PHF14: variants seen among roughly 807,000 people sequenced by gnomAD.
PHF14 encodes the protein PHD finger protein 14.
PHF14 carries 55 observed loss-of-function variants against 117.9 expected under a neutral mutation model. The observed-to-expected ratio is 0.47, with a 90% confidence interval of 0.38 to 0.58. The LOEUF is 0.58. Ranked by LOEUF, PHF14 falls within the 20% of genes least tolerant of loss-of-function variation. The pLI, the probability that PHF14 is intolerant of heterozygous loss-of-function variation, is 0.00. For synonymous variants in PHF14, 409 were observed against 368.6 expected (o/e 1.11, Z -1.26); for missense variants, 978 against 1,122.2 (o/e 0.87, Z 1.84).
At chr7:11,054,064 TA>T (rs1289878946) in intron 14 of PHF14, among the ~76,000 whole-genome samples, 1 of 152,100 alleles carries the variant, frequency 6.6e-6, no homozygotes, top group African/African-American at 2.4e-5. Flanking sequence ...GGATTACTTT[TA>T]TCTATTCTTT....
At chr7:11,032,397 G>C (rs987692077) in intron 7 of PHF14, among the ~76,000 whole-genome samples, 2 of 151,990 alleles carry the variant, frequency 1.3e-5, no homozygotes, top group African/African-American at 4.8e-5. Context: ...GTTTTTACAA[G>C]TGCCAGGTAA....
intron 16 of PHF14, among the ~76,000 whole-genome samples, chr7:11,087,725 A>G (rs1181273939): frequency 1.3e-5 from 2 of 152,124 alleles, no homozygotes; most frequent in Non-Finnish European, 2.9e-5. Context: ...CATTTGGCCC[A>G]TGCTTCATCT....
intron 6 of PHF14, among the ~76,000 whole-genome samples, chr7:11,023,731 G>A (rs919686345): frequency 2.6e-5 from 4 of 152,204 alleles, no homozygotes; most frequent in African/African-American, 7.2e-5. Context: ...AGGAGGCTGA[G>A]GCAGGAGAAT....
At chr7:11,074,492 G>A (rs1045956907) in intron 16 of PHF14, among the ~76,000 whole-genome samples, 1 of 152,296 alleles carries the variant, frequency 6.6e-6, no homozygotes, top group Non-Finnish European at 1.5e-5. Context: ...TTACAGGCAT[G>A]AGCCACCGTG....
chr7:10,981,508 C>G (rs919048672), intron 2 of PHF14, among the ~76,000 whole-genome samples: 7 of 152,178 alleles, frequency 4.6e-5, no homozygotes, highest in Non-Finnish European at 8.8e-5. Context: ...CTGCCCTAGG[C>G]AGGAGTGGAA....
chr7:10,991,675 G>C (rs1180383909), intron 4 of PHF14, among the ~76,000 whole-genome samples: 2 of 150,520 alleles, frequency 1.3e-5, no homozygotes, highest in African/African-American at 4.9e-5. Context: ...ATGAAAATCA[G>C]TGTTTCTTTA....
chr7:11,022,073 CAG>C (rs1457859059), intron 5 of PHF14, among the ~76,000 whole-genome samples: 1 of 151,922 alleles, frequency 6.6e-6, no homozygotes, highest in Non-Finnish European at 1.5e-5. Context: ...TGTAAGCAAG[CAG>C]AAAGAGTGCC....
intron 4 of PHF14, among the ~76,000 whole-genome samples, chr7:10,996,249 A>G (rs1230844622): frequency 6.6e-6 from 1 of 152,264 alleles, no homozygotes; most frequent in African/African-American, 2.4e-5. Flanking sequence ...CATTGCAATT[A>G]TCTAAGAGAG....
intron 13 of PHF14, among the ~76,000 whole-genome samples, chr7:11,047,785 C>T (rs1387072265): frequency 1.7e-5 from 2 of 116,532 alleles, no homozygotes; most frequent in Admixed American, 2.4e-4. Context: ...GACTCTGTCT[C>T]ACAAAAAGAC....
intron 17 of PHF14, among the ~76,000 whole-genome samples, chr7:11,120,767 A>G (rs1338833590): frequency 1.3e-5 from 2 of 152,050 alleles, no homozygotes; most frequent in Admixed American, 1.3e-4. Flanking sequence ...TATTTATTTT[A>G]TAAGTAGAGA....
At chr7:11,000,713 T>A (rs1189464688) in intron 4 of PHF14, among the ~76,000 whole-genome samples, 1 of 152,184 alleles carries the variant, frequency 6.6e-6, no homozygotes, top group Non-Finnish European at 1.5e-5. Context: ...AATTGGTTTG[T>A]TTTCTTATTG....
chr7:11,120,043 A>G (rs1436724885), intron 17 of PHF14, among the ~76,000 whole-genome samples: 2 of 118,918 alleles, frequency 1.7e-5, no homozygotes, highest in African/African-American at 6.6e-5. Flanking sequence ...TTAAGTGATA[A>G]TAGTTATTTT....
In PHF14 at chr7:11,111,428, C is replaced by T. The variant is rs535959141; in HGVS notation, c.2733C>T (p.Tyr911=). Residue 911 remains tyrosine (Y), a synonymous_variant, in exon 17 of 18, where the codon TAC becomes TAT. Transcript: ENST00000634607. ...PLKKSPKQTG[Y]GWICQECDSS... ...AAAAGTCTCCTAAACAGACAGGCTA[C>T]GGATGGATATGTCAGGAATGTGATT... 2.0e-5 allele frequency: 32 copies of T among 1,603,650 alleles called. No individual in the cohort carries two copies. Among genetic ancestry groups the T allele is most frequent in the East Asian group, 4.5e-5 (2 of 44,662 alleles).
chr7:11,122,790 C>T (rs911806478), intron 17 of PHF14, among the ~76,000 whole-genome samples: 26 of 152,146 alleles, frequency 1.7e-4, no homozygotes, highest in Non-Finnish European at 2.4e-4. Flanking sequence ...CAGCTTAGTC[C>T]AGTCCTGCTG....
intron 16 of PHF14, among the ~76,000 whole-genome samples, chr7:11,098,565 C>G (rs1474919782): frequency 1.3e-5 from 2 of 152,120 alleles, no homozygotes; most frequent in African/African-American, 4.8e-5. Flanking sequence ...ATAAAATGGC[C>G]AGAACTTGAA....
At chr7:10,987,658 C>G (rs1184809252) in intron 3 of PHF14, among the ~76,000 whole-genome samples, 1 of 151,772 alleles carries the variant, frequency 6.6e-6, no homozygotes, top group African/African-American at 2.4e-5. Flanking sequence ...TTTTGCCATT[C>G]AAAACCTATT....
Position 10,985,638 on chromosome 7 carries a change from GTTTTTTTTTTTTTTTTTTTT to G in PHF14, c.900+2491_900+2510del, listed in dbSNP as rs61250143. Among the ~76,000 whole-genome samples the G allele has an allele frequency of 9.6e-3, 442 of 46,008 alleles. 9 individuals carry two copies. Among genetic ancestry groups the G allele is most frequent in the African/African-American group, 0.032 (425 of 13,202 alleles). The allele number at this position is 46,008 out of a possible 152,430, so 30.2% of individuals were successfully genotyped here. On this transcript the variant is annotated intron_variant, in intron 3 of 17. Coordinates refer to ENST00000634607, the MANE Select transcript of PHF14 (RefSeq NM_001007157.2). ...ACTCTCTAGCAGTGATTCTCAAACT[GTTTTTTTTTTTTTTTTTTTT>G]TTTTTTTTTTTGGAGACAGGGTCTC...
chr7:11,027,952 A>G (rs1783981574), intron 6 of PHF14, among the ~76,000 whole-genome samples: 1 of 152,180 alleles, frequency 6.6e-6, no homozygotes, highest in Non-Finnish European at 1.5e-5. Context: ...CATGTGTAAA[A>G]TGGGAATAGT....
intron 17 of PHF14, among the ~76,000 whole-genome samples, chr7:11,119,558 C>T (rs185096672): frequency 2.2e-4 from 34 of 151,628 alleles, no homozygotes; most frequent in African/African-American, 6.5e-4. Flanking sequence ...GTGAAAATAT[C>T]GCCTAAATAA....
Sources: gnomAD v4.1 joint callset for allele counts (sites outside exome capture counted in the v4.1 genomes callset) on GRCh38, gnomAD v4.1.1 for gene constraint, MANE v1.5 for transcripts, NCBI Gene and HGNC (gene_info 2026-07-23, HGNC 2026-07-21) for gene names.